FAM151B: variants seen among roughly 807,000 people sequenced by gnomAD.
FAM151B encodes protein FAM151B.
FAM151B carries 24 observed loss-of-function variants against 31.2 expected under a neutral mutation model. The ratio of observed to expected loss-of-function variants is 0.77; its 90% CI spans 0.56 to 1.08. The LOEUF (loss-of-function observed/expected upper bound fraction) is 1.08, where lower values mean the gene tolerates loss of function less well. Among genes scored for constraint, FAM151B ranks in the 50% least tolerant of loss-of-function variants. The probability of loss-of-function intolerance (pLI) is 0.00; values close to 1 mark genes in which losing one functional copy is unlikely to be tolerated. For missense variants in FAM151B, 293 were observed against 328.6 expected, an observed-to-expected ratio of 0.89 and a Z score of 0.84; for synonymous variants, 105 against 111.4, an observed-to-expected ratio of 0.94 and a Z score of 0.36.
intron 5 of FAM151B, among the ~76,000 whole-genome samples, chr5:80,540,641 T>C (rs1238842249): frequency 6.6e-6 from 1 of 152,182 alleles, no homozygotes; most frequent in Non-Finnish European, 1.5e-5. Flanking sequence ...TTTTATAAGG[T>C]TTTTCACCAT....
chr5:80,520,688 A>G (rs533302676), intron 4 of FAM151B, among the ~76,000 whole-genome samples: 39 of 142,544 alleles, frequency 2.7e-4, no homozygotes, highest in Non-Finnish European at 4.4e-4. Flanking sequence ...ATGTGTGTGT[A>G]TATATATATA....
intron 1 of FAM151B, chr5:80,500,450 A>G (rs1743701068): frequency 1.0e-6 from 1 of 974,686 alleles, no homozygotes; most frequent in Non-Finnish European, 1.6e-6. Context: ...TACCCAAAAG[A>G]TGCTTTGAAA....
At chr5:80,520,717 ATAGTT>A (rs1310609833) in intron 4 of FAM151B, among the ~76,000 whole-genome samples, 1 of 147,672 alleles carries the variant, frequency 6.8e-6, no homozygotes, top group Non-Finnish European at 1.5e-5. Context: ...TATTATGTAT[ATAGTT>A]TATTTATATA....
chr5:80,540,558 G>T (rs772368512), intron 5 of FAM151B, among the ~76,000 whole-genome samples: 48 of 151,970 alleles, frequency 3.2e-4, no homozygotes, highest in Non-Finnish European at 4.1e-4. Flanking sequence ...TGAATACAAT[G>T]AAGTGAATAT....
chr5:80,512,328 A>G (rs1174911875), intron 2 of FAM151B, among the ~76,000 whole-genome samples: 1 of 152,220 alleles, frequency 6.6e-6, no homozygotes, highest in Non-Finnish European at 1.5e-5. Context: ...CTTTATGATT[A>G]CAGTTCATTT....
chr5:80,519,685 G>A lies in FAM151B; in HGVS notation c.318-8G>A, dbSNP rs1313010418. Reference sequence around the variant, plus strand: ...ATCTATCTCATTGACAACAAATTATGTTTTTAGTCTGGCAGTTGTAGAACC... The same window carrying A: ...ATCTATCTCATTGACAACAAATTATATTTTTAGTCTGGCAGTTGTAGAACC... On this transcript the variant is annotated splice_region_variant and splice_polypyrimidine_tract_variant and intron_variant, in intron 3 of 5. Coordinates refer to ENST00000282226, the MANE Select transcript of FAM151B (RefSeq NM_205548.3). The A allele has an allele frequency of 4.3e-6, 7 of 1,610,694 alleles. No homozygotes were observed. Among genetic ancestry groups the A allele is most frequent in the Non-Finnish European group, 4.2e-6 (5 of 1,178,166 alleles).
intron 1 of FAM151B, chr5:80,501,464 TGAAA>T (rs75909790): frequency 2.3e-5 from 3 of 128,902 alleles, no homozygotes; most frequent in Non-Finnish European, 2.8e-5. Flanking sequence ...GCTCTCAAAT[TGAAA>T]AAAAAAAAAA....
chr5:80,490,133 C>T (rs1743269187), intron 1 of FAM151B, among the ~76,000 whole-genome samples: 1 of 151,864 alleles, frequency 6.6e-6, no homozygotes, highest in Non-Finnish European at 1.5e-5. Flanking sequence ...GTGGTTTACG[C>T]CTGTAATCTG....
chr5:80,539,679 A>C (rs576818803), intron 5 of FAM151B, among the ~76,000 whole-genome samples: 4 of 151,764 alleles, frequency 2.6e-5, no homozygotes, highest in Non-Finnish European at 5.9e-5. Context: ...GTTAGTAGAG[A>C]CTTGGTTTCA....
rs536250867 is a variant in FAM151B at position 80,536,474 on chromosome 5, A to T, written c.672-5199A>T. ...TACAGGTGTGAGCCACCGTGCCCAG[A>T]CAGGTCTTAGTTTTTTGAGGAAAAA... On this transcript the variant is annotated intron_variant, in intron 5 of 5. Coordinates refer to ENST00000282226, the MANE Select transcript of FAM151B (RefSeq NM_205548.3). Among the ~76,000 whole-genome samples the T allele has an allele frequency of 1.4e-4, 21 of 152,108 alleles. No homozygotes were observed. In the East Asian group the frequency reaches 3.9e-3, roughly 28 times the overall value.
rs181407223 is a variant in FAM151B at position 80,529,301 on chromosome 5, G to A, written c.671+7163G>A. Among the ~76,000 whole-genome samples, 14 of 152,048 alleles carry A rather than the reference G, an allele frequency of 9.2e-5. No individual in the cohort carries two copies. In the East Asian group the frequency reaches 2.7e-3, roughly 29 times the overall value. On this transcript the variant is annotated intron_variant, in intron 5 of 5. Transcript: ENST00000282226. ...GAGAAAGCAGGAAAGATCTAAAATT[G>A]GCACCCTAACATCACAATTAAAAGA...
chr5:80,488,101 C>A lies in FAM151B; in HGVS notation c.-23C>A. 6.5e-7 allele frequency: 1 copy of A among 1,539,424 alleles called. No homozygotes were observed. Among genetic ancestry groups the A allele is most frequent in the Admixed American group, 2.0e-5 (1 of 51,042 alleles). On this transcript the variant is annotated 5_prime_UTR_variant, in exon 1 of 6. Coordinates refer to ENST00000282226, the MANE Select transcript of FAM151B (RefSeq NM_205548.3). ...GCAGGGGCGCCAGCCTGGGCGCCTG[C>A]GCGGACGGCGGGCGTCGTCACCATG...
chr5:80,513,504 C>G, intron 2 of FAM151B, 100 bp from the exon 3 acceptor site: 1 of 1,203,012 alleles, frequency 8.3e-7, no homozygotes, highest in Non-Finnish European at 1.1e-6. Context: ...CTTTTCTTTC[C>G]TTTTTTTTTA....
At chr5:80,498,217 G>A (rs1330129085) in intron 1 of FAM151B, among the ~76,000 whole-genome samples, 1 of 152,156 alleles carries the variant, frequency 6.6e-6, no homozygotes, top group African/African-American at 2.4e-5. Context: ...GCCATGTGTT[G>A]CCATCTCAGT....
intron 3 of FAM151B, among the ~76,000 whole-genome samples, chr5:80,516,610 G>C (rs1744452580): frequency 6.6e-6 from 1 of 152,142 alleles, no homozygotes; most frequent in Non-Finnish European, 1.5e-5. Context: ...CCACCAAGGA[G>C]CAATTTTCAG....
intron 2 of FAM151B, among the ~76,000 whole-genome samples, chr5:80,505,229 G>T (rs1216421528): frequency 6.6e-6 from 1 of 151,998 alleles, no homozygotes; most frequent in Non-Finnish European, 1.5e-5. Flanking sequence ...CCAAACTCCT[G>T]GCTGCAAGCA....
Position 80,501,884 on chromosome 5 carries a change from AACC to A in FAM151B, c.121_123del (p.His41del). 4 of 1,604,600 alleles carry A rather than the reference AACC, an allele frequency of 2.5e-6. No individual in the cohort carries two copies. The South Asian group carries it at 4.5e-5, about 18-fold the overall frequency. On this transcript the variant is annotated inframe_deletion, in exon 2 of 6. Transcript: ENST00000282226. ...TGAGATCACCTGGTATCATGCAGCTAACCACAAGGCACAAACAAATGAGGCACT... is the reference window on the plus strand; with the variant it reads ...TGAGATCACCTGGTATCATGCAGCTAACAAGGCACAAACAAATGAGGCACT...
At chr5:80,498,139 G>C (rs924596196) in intron 1 of FAM151B, among the ~76,000 whole-genome samples, 1 of 152,042 alleles carries the variant, frequency 6.6e-6, no homozygotes, top group African/African-American at 2.4e-5. Flanking sequence ...CCTATTGTTG[G>C]ACATTTGTTA....
At chr5:80,496,015 GT>G (rs1743525901) in intron 1 of FAM151B, among the ~76,000 whole-genome samples, 1 of 152,158 alleles carries the variant, frequency 6.6e-6, no homozygotes, top group African/African-American at 2.4e-5. Flanking sequence ...TGAAGATGCT[GT>G]GAACATTGTT....
Sources: allele counts gnomAD v4.1 joint callset (sites outside exome capture counted in the v4.1 genomes callset), GRCh38; gene constraint gnomAD v4.1.1; transcripts MANE v1.5; gene names NCBI Gene and HGNC (gene_info 2026-07-23, HGNC 2026-07-21).